The following FASTKD1 variants were observed in gnomAD, a reference collection of about 807,000 sequenced individuals.
FASTKD1 encodes the protein FAST kinase domains 1.
Under a neutral mutation model 90.9 loss-of-function variants are expected in FASTKD1, and 94 were observed. That is an observed-to-expected ratio of 1.03 (90% confidence interval 0.88 to 1.23). The LOEUF (loss-of-function observed/expected upper bound fraction) is 1.23. FASTKD1 is among the 50% of genes most tolerant of loss of function. FASTKD1 has a pLI of 0.00. For synonymous variants in FASTKD1, 319 were observed against 345.8 expected, an observed-to-expected ratio of 0.92 and a Z score of 0.86; for missense variants, 945 against 993.5, an observed-to-expected ratio of 0.95 and a Z score of 0.66.
intron 11 of FASTKD1, 35 bp from the exon 12 acceptor site, chr2:169,537,375 C>A: frequency 7.6e-7 from 1 of 1,311,204 alleles, no homozygotes; most frequent in Non-Finnish European, 1.1e-6. Flanking sequence ...TCTACTTAAT[C>A]TTTTTTTTCT....
chr2:169,534,743 G>A (rs1684657349), intron 12 of FASTKD1, among the ~76,000 whole-genome samples: 1 of 152,158 alleles, frequency 6.6e-6, no homozygotes, highest in African/African-American at 2.4e-5. Context: ...ACAGGCGTGT[G>A]CCACTGCGCC....
intron 4 of FASTKD1, among the ~76,000 whole-genome samples, chr2:169,562,071 A>AATT (rs1683709369): frequency 8.3e-6 from 1 of 120,948 alleles, no homozygotes; most frequent in Non-Finnish European, 1.7e-5. Context: ...ATTTATTGTA[A>AATT]AATAATTATT....
chr2:169,541,271 A>G (rs1417922810), intron 9 of FASTKD1, among the ~76,000 whole-genome samples: 1 of 152,206 alleles, frequency 6.6e-6, no homozygotes, highest in Non-Finnish European at 1.5e-5. Flanking sequence ...TCAAAGCTGT[A>G]CTTCTCAATC....
At chr2:169,566,186 C>G (rs1185334227) in intron 3 of FASTKD1, among the ~76,000 whole-genome samples, 1 of 152,118 alleles carries the variant, frequency 6.6e-6, no homozygotes, top group South Asian at 2.1e-4. Flanking sequence ...TTCTGAGTAG[C>G]TGAAACTACA....
Position 169,563,293 on chromosome 2 carries a change from A to G in FASTKD1, c.504T>C (p.Tyr168=). Residue 168 remains tyrosine, a synonymous_variant, in exon 4 of 15, where the codon TAT becomes TAC. Coordinates refer to ENST00000453153, the MANE Select transcript of FASTKD1 (RefSeq NM_024622.6). Reference sequence around the variant, plus strand: ...CTATTTTTCCCATTAATGGACTAAAATACAAATGCTGATCTGCTAGGCAAG... The same window carrying G: ...CTATTTTTCCCATTAATGGACTAAAGTACAAATGCTGATCTGCTAGGCAAG... The part of the protein sequence containing the change: ...FSSCLADQHL[Y]FSPLMGKIAD... 1.9e-6 allele frequency: 3 copies of G among 1,612,368 alleles called. No individual in the cohort carries two copies. The highest frequency in any genetic ancestry group is 1.7e-5 in the Admixed American group (1 of 59,992).
Position 169,560,669 on chromosome 2 carries a change from AC to A in FASTKD1, c.688del (p.Val230LeufsTer5). On this transcript the variant is annotated frameshift_variant, in exon 5 of 15. Coordinates refer to ENST00000453153, the MANE Select transcript of FASTKD1 (RefSeq NM_024622.6). LOFTEE classifies it high-confidence loss of function. The stretch of plus-strand genomic sequence containing the variant: ...AAGAAACTTTGCTATGCTTTTTGCA[AC>A]GTTGACCTCAGAAGAATCTATGGTG... ...FDTIDSSEVN[V>X]AKSIAKFLRN... 6.2e-7 allele frequency: 1 copy of A among 1,613,188 alleles called. No homozygotes were observed. Among genetic ancestry groups the A allele is most frequent in the South Asian group, 1.1e-5 (1 of 90,740 alleles).
At chr2:169,566,008 A>AT (rs1683961986) in intron 3 of FASTKD1, among the ~76,000 whole-genome samples, 1 of 152,028 alleles carries the variant, frequency 6.6e-6, no homozygotes, top group South Asian at 2.1e-4. Flanking sequence ...TCTTTTGCCC[A>AT]TTTTTTGATT....
chr2:169,560,845 T>C, intron 4 of FASTKD1, 60 bp from the exon 5 acceptor site: 2 of 1,230,376 alleles, frequency 1.6e-6, no homozygotes, highest in Non-Finnish European at 1.1e-6. Context: ...AATTCTTTTT[T>C]TTTTTTTTTT....
Position 169,571,923 on chromosome 2 carries a change from C to T in FASTKD1, c.107G>A (p.Cys36Tyr), listed in dbSNP as rs757672272. 3.3e-5 allele frequency: 53 copies of T among 1,614,076 alleles called. No homozygotes were observed. In the East Asian group the frequency reaches 1.2e-3, roughly 36 times the overall value. Residue 36 changes from cysteine (C) to tyrosine (Y), a missense_variant, in exon 2 of 15, where the codon TGT becomes TAT. Physicochemically the swap from Cys to Tyr is radical, Grantham distance 194. Coordinates refer to ENST00000453153, the MANE Select transcript of FASTKD1 (RefSeq NM_024622.6). Reference sequence around the variant, plus strand: ...ATTCATCTGAATAATTAGTGGTTCACAACTGATGGGTCGAAATTGAAACAC... The same window carrying T: ...ATTCATCTGAATAATTAGTGGTTCATAACTGATGGGTCGAAATTGAAACAC... ...WRVFQFRPIS[C>Y]EPLIIQMNKC...
In FASTKD1 at chr2:169,571,709, AT is replaced by A. The variant is rs1270745463; in HGVS notation, c.320del (p.Asn107IlefsTer5). 2 of 1,612,652 alleles carry A rather than the reference AT, an allele frequency of 1.2e-6. No homozygotes were observed. The highest frequency in any genetic ancestry group is 1.7e-6 in the Non-Finnish European group (2 of 1,178,952). On this transcript the variant is annotated frameshift_variant, in exon 2 of 15. Transcript: ENST00000453153. LOFTEE classifies it high-confidence loss of function. ...QFLTLHNLAT[N>X]KFKLMNDDTL... The stretch of plus-strand genomic sequence containing the variant: ...TATCGTCATTCATTAATTTGAATTT[AT>A]TTGTAGCTAAATTATGAAGAGTAAG...
intron 9 of FASTKD1, 69 bp from the exon 10 acceptor site, chr2:169,540,248 A>C: frequency 7.3e-7 from 1 of 1,361,016 alleles, no homozygotes; most frequent in Non-Finnish European, 9.8e-7. Flanking sequence ...TAATTTATTC[A>C]GGCAAACCCA....
intron 12 of FASTKD1, among the ~76,000 whole-genome samples, chr2:169,536,483 T>C (rs1684729111): frequency 6.6e-6 from 1 of 152,170 alleles, no homozygotes; most frequent in Non-Finnish European, 1.5e-5. Context: ...TTATTAACAA[T>C]ATAGTTTAAA....
At position 169,544,854 on chromosome 2, in the gene FASTKD1, A is replaced by G. The variant is rs749402081; in HGVS notation, c.1702-19T>C. 1.3e-4 allele frequency: 176 copies of G among 1,405,956 alleles called. No individual in the cohort carries two copies. The highest frequency in any genetic ancestry group is 9.6e-4 in the Admixed American group (46 of 47,898). The allele number at this position is 1,405,956 out of a possible 1,614,324, so 87.1% of individuals were successfully genotyped here. A position where few individuals can be genotyped will look rare whatever the true frequency, so the allele number is the denominator to read the frequency against. On this transcript the variant is annotated intron_variant, in intron 8 of 14. Coordinates refer to ENST00000453153, the MANE Select transcript of FASTKD1 (RefSeq NM_024622.6). ...GATGGATCTGTATAAAAAGAACAAAAAATTTATAGTTTAAACTTTAGGAAA... is the reference window on the plus strand; with the variant it reads ...GATGGATCTGTATAAAAAGAACAAAGAATTTATAGTTTAAACTTTAGGAAA...
At chr2:169,561,736 TA>T (rs2105413738) in intron 4 of FASTKD1, among the ~76,000 whole-genome samples, 1 of 147,040 alleles carries the variant, frequency 6.8e-6, no homozygotes, top group East Asian at 2.0e-4. Context: ...TATTATAAAT[TA>T]ATTATTCATT....
At chr2:169,557,084 C>CA (rs1683353378) in intron 6 of FASTKD1, 103 bp downstream of exon 6, 1 of 747,558 alleles carries the variant, frequency 1.3e-6, no homozygotes, top group Non-Finnish European at 2.4e-6. Flanking sequence ...CTTATTTCTT[C>CA]AAAACAACTG....
At chr2:169,541,103 A>G (rs553438655) in intron 9 of FASTKD1, among the ~76,000 whole-genome samples, 144 of 152,328 alleles carry the variant, frequency 9.5e-4, no homozygotes, top group Non-Finnish European at 1.6e-3. Context: ...CAGATCATAA[A>G]TGAAGTTAAT....
chr2:169,546,187 A>G, intron 8 of FASTKD1, 31 bp downstream of exon 8: 1 of 1,512,664 alleles, frequency 6.6e-7, no homozygotes, highest in Non-Finnish European at 8.8e-7. Flanking sequence ...TGACAACTCT[A>G]TAAAATTAAT....
At chr2:169,541,322 T>G (rs181855058) in intron 9 of FASTKD1, among the ~76,000 whole-genome samples, 65 of 152,348 alleles carry the variant, frequency 4.3e-4, no homozygotes, top group African/African-American at 1.5e-3. Context: ...TTTTCTAATT[T>G]CTAAGACTCT....
intron 13 of FASTKD1, chr2:169,531,023 G>A (rs1463401287): frequency 1.5e-6 from 1 of 663,500 alleles, no homozygotes; most frequent in Non-Finnish European, 2.8e-6. Context: ...AACACATGAT[G>A]TATAGTAAGT....
Sources: allele counts gnomAD v4.1 joint callset (sites outside exome capture counted in the v4.1 genomes callset), GRCh38; gene constraint gnomAD v4.1.1; transcripts MANE v1.5; gene names NCBI Gene and HGNC (gene_info 2026-07-23, HGNC 2026-07-21).